The following KDR variants were observed in gnomAD, a reference collection of about 807,000 sequenced individuals.
The protein encoded by KDR is kinase insert domain receptor.
A neutral mutation model predicts 160.9 loss-of-function variants in KDR; 43 were observed. The ratio of observed to expected loss-of-function variants is 0.27; its 90% confidence interval spans 0.21 to 0.34. The LOEUF (loss-of-function observed/expected upper bound fraction) is 0.34, where lower values mean the gene tolerates loss of function less well. Ranked by LOEUF, KDR falls within the 10% of genes least tolerant of loss-of-function variation. KDR has a pLI of 1.00. For missense variants in KDR, 1,469 were observed against 1,666.4 expected, an observed-to-expected ratio of 0.88 and a Z score of 2.06; for synonymous variants, 617 against 600.1, an observed-to-expected ratio of 1.03 and a Z score of -0.41.
intron 4 of KDR, 102 bp downstream of exon 4, chr4:55,115,179 G>C (rs113465760): frequency 7.9e-7 from 1 of 1,268,234 alleles, no homozygotes; most frequent in Admixed American, 1.8e-5. Flanking sequence ...CTTCCTAAAG[G>C]ATCCTTAAAA....
At chr4:55,102,112 C>T (rs1720327039) in intron 14 of KDR, 84 bp from the exon 15 acceptor site, 3 of 1,565,370 alleles carry the variant, frequency 1.9e-6, no homozygotes, top group Non-Finnish European at 8.8e-7. Flanking sequence ...AATATAAATG[C>T]TGCCCTTCAT....
intron 1 of KDR, among the ~76,000 whole-genome samples, chr4:55,123,918 C>T (rs1275451467): frequency 6.6e-6 from 1 of 152,338 alleles, no homozygotes; most frequent in East Asian, 1.9e-4. Flanking sequence ...GGGCGACCGG[C>T]CTGCCGTTAC....
Position 55,094,966 on chromosome 4 carries a change from G to A in KDR, c.2818-11C>T, listed in dbSNP as rs771194680. The A allele has an allele frequency of 3.7e-6, 6 of 1,613,148 alleles. No homozygotes were observed. Among genetic ancestry groups the A allele is most frequent in the Admixed American group, 1.7e-5 (1 of 59,992 alleles). On this transcript the variant is annotated splice_polypyrimidine_tract_variant and intron_variant, in intron 20 of 29. Coordinates refer to ENST00000263923, the MANE Select transcript of KDR (RefSeq NM_002253.4). ...TCGTGCCCCTTTGGTCTATAAAAAAGCAAAGGAACAAACAAACTCCTTGAA... is the reference window on the plus strand; with the variant it reads ...TCGTGCCCCTTTGGTCTATAAAAAAACAAAGGAACAAACAAACTCCTTGAA...
At chr4:55,112,494 G>A (rs1169871337) in intron 7 of KDR, among the ~76,000 whole-genome samples, 1 of 142,870 alleles carries the variant, frequency 7.0e-6, no homozygotes, top group Non-Finnish European at 1.5e-5. Context: ...CATTAGTTAT[G>A]TTTTGTGGAA....
At position 55,089,937 on chromosome 4, in the gene KDR, G is replaced by A. The variant is rs911197305; in HGVS notation, c.3192+19C>T. The A allele has an allele frequency of 1.2e-6, 2 of 1,613,804 alleles. No homozygotes were observed. Among genetic ancestry groups the A allele is most frequent in the Middle Eastern group, 1.7e-4 (1 of 6,060 alleles). On this transcript the variant is annotated intron_variant, in intron 23 of 29. Transcript: ENST00000263923. Reference sequence around the variant, plus strand: ...ATTCTGTTACTTAACCAAGCACTGGGTTCATATTTGAAACTTACATCTCCT... The same window carrying A: ...ATTCTGTTACTTAACCAAGCACTGGATTCATATTTGAAACTTACATCTCCT...
At chr4:55,088,066 C>T (rs544433156) in intron 26 of KDR, among the ~76,000 whole-genome samples, 1 of 152,204 alleles carries the variant, frequency 6.6e-6, no homozygotes, top group South Asian at 2.1e-4. Flanking sequence ...CTACATAGAA[C>T]AAAAAATCAC....
chr4:55,089,065 T>C (rs1531289), intron 25 of KDR, 92 bp from the exon 26 acceptor site: 623,913 of 895,314 alleles, frequency 0.7, 219,353 homozygotes, highest in East Asian at 0.79. Flanking sequence ...TGTAAAGAGC[T>C]GACGAGGTGA....
At chr4:55,098,920 A>G in intron 15 of KDR, 117 bp from the exon 16 acceptor site, 1 of 704,902 alleles carries the variant, frequency 1.4e-6, no homozygotes, top group Non-Finnish European at 2.6e-6. Context: ...GAAAAATCCT[A>G]GAGGACAACA....
chr4:55,087,606 C>T lies in KDR; in HGVS notation c.3662+1G>A. The T allele has an allele frequency of 6.2e-7, 1 of 1,614,064 alleles. No individual in the cohort carries two copies. The highest frequency in any genetic ancestry group is 8.5e-7 in the Non-Finnish European group (1 of 1,179,938). The stretch of plus-strand genomic sequence containing the variant: ...GGGGGATGTTAGGCCATATACAGTA[C>T]CTGATTCCTGCTGTGTTGTCATAAT... On this transcript the variant is annotated splice_donor_variant, in intron 27 of 29. Transcript: ENST00000263923. LOFTEE classifies it high-confidence loss of function.
chr4:55,115,071 T>G lies in KDR; in HGVS notation c.490-29A>C, dbSNP rs757709382. On this transcript the variant is annotated intron_variant, in intron 4 of 29. Transcript: ENST00000263923. Reference sequence around the variant, plus strand: ...GGTAATAAAAAGACATATCAAATATTTAATCCAGTACCAAAAATGAGAGCC... The same window carrying G: ...GGTAATAAAAAGACATATCAAATATGTAATCCAGTACCAAAAATGAGAGCC... The G allele has an allele frequency of 3.2e-6, 5 of 1,579,054 alleles. No homozygotes were observed. In the East Asian group the frequency reaches 9.0e-5, roughly 28 times the overall value.
intron 21 of KDR, 138 bp downstream of exon 21, chr4:55,094,664 T>A (rs1476980389): frequency 1.2e-6 from 1 of 850,302 alleles, no homozygotes; most frequent in African/African-American, 1.7e-5. Flanking sequence ...GGAGGCAGTC[T>A]ATTATAGAAA....
At chr4:55,114,316 T>C (rs755755449) in intron 5 of KDR, 51 bp from the exon 6 acceptor site, 3 of 1,581,302 alleles carry the variant, frequency 1.9e-6, no homozygotes, top group Admixed American at 1.7e-5. Flanking sequence ...AATAAGCCTA[T>C]AACTTTGCAC....
intron 22 of KDR, among the ~76,000 whole-genome samples, chr4:55,090,943 C>T (rs926572335): frequency 2.7e-5 from 4 of 150,790 alleles, no homozygotes; most frequent in African/African-American, 9.8e-5. Context: ...CAACCTTCAC[C>T]TCCCAGGTTC....
In KDR at chr4:55,096,218, C is replaced by T. The variant is rs367947655; in HGVS notation, c.2728+11G>A. 3.2e-6 allele frequency: 5 copies of T among 1,556,302 alleles called. No individual in the cohort carries two copies. Among genetic ancestry groups the T allele is most frequent in the Non-Finnish European group, 4.4e-6 (5 of 1,128,680 alleles). On this transcript the variant is annotated intron_variant, in intron 19 of 29. Coordinates refer to ENST00000263923, the MANE Select transcript of KDR (RefSeq NM_002253.4). The stretch of plus-strand genomic sequence containing the variant: ...AAAATTGGGTGACCAAAACCACCCA[C>T]AGTTACTCACCTCCTGGCTTGGTAC...
intron 18 of KDR, 35 bp from the exon 19 acceptor site, chr4:55,096,377 A>G (rs769678593): frequency 4.2e-6 from 6 of 1,441,402 alleles, no homozygotes; most frequent in Middle Eastern, 1.7e-4. Context: ...AATCATAGGT[A>G]TGGACATTTC....
intron 21 of KDR, 101 bp downstream of exon 21, chr4:55,094,701 A>AGTAGTAGTATGAGCTT: frequency 9.6e-7 from 1 of 1,038,408 alleles, no homozygotes; most frequent in Non-Finnish European, 1.5e-6. Context: ...ATTATGAGGT[A>AGTAGTAGTATGAGCTT]GTATTGGACT....
rs550049487 is a variant in KDR, at chr4:55,083,329, A to T, written c.3663-694T>A. Among the ~76,000 whole-genome samples, 7 of 152,088 alleles carry T rather than the reference A, an allele frequency of 4.6e-5. No individual in the cohort carries two copies. In the East Asian group the frequency reaches 5.8e-4, roughly 13 times the overall value. On this transcript the variant is annotated intron_variant, in intron 27 of 29. Transcript: ENST00000263923. ...TGAGAAAGTCATGAATATTTCTGTG[A>T]CCCTCTTGTCCCATCTATAAGATGT...
intron 15 of KDR, among the ~76,000 whole-genome samples, chr4:55,100,674 T>C (rs1207220596): frequency 1.3e-5 from 2 of 152,222 alleles, no homozygotes; most frequent in Non-Finnish European, 2.9e-5. Flanking sequence ...GTGTAGTTTA[T>C]GAAATGCTAA....
At position 55,113,490 on chromosome 4, in the gene KDR, A is replaced by T; in HGVS notation, c.799-9T>A. 6.2e-7 allele frequency: 1 copy of T among 1,613,676 alleles called. No individual in the cohort carries two copies. The highest frequency in any genetic ancestry group is 8.5e-7 in the Non-Finnish European group (1 of 1,179,608). ...AGTTTCTTATGCTGATGCTGAAAAA[A>T]AGAGTTGACTGAACTTCCAAAGCAC... On this transcript the variant is annotated splice_polypyrimidine_tract_variant and intron_variant, in intron 6 of 29. Transcript: ENST00000263923.
Sources: gnomAD v4.1 joint callset for allele counts (sites outside exome capture counted in the v4.1 genomes callset) on GRCh38, gnomAD v4.1.1 for gene constraint, MANE v1.5 for transcripts, NCBI Gene and HGNC (gene_info 2026-07-23, HGNC 2026-07-21) for gene names.